The following CLSTN2 variants were observed in gnomAD, a reference collection of about 807,000 sequenced individuals.
CLSTN2 encodes the protein calsyntenin-2.
CLSTN2 carries 48 observed loss-of-function variants against 101.2 expected under a neutral mutation model. That is an observed-to-expected ratio of 0.47 (90% confidence interval 0.38 to 0.60). The LOEUF (loss-of-function observed/expected upper bound fraction) is 0.60, where lower values mean the gene tolerates loss of function less well. CLSTN2 is among the 20% of genes least tolerant of loss of function. The probability of loss-of-function intolerance (pLI) is 0.00; values close to 1 mark genes in which losing one functional copy is unlikely to be tolerated. For synonymous variants in CLSTN2, 481 were observed against 463.6 expected, an observed-to-expected ratio of 1.04 and a Z score of -0.48; for missense variants, 1,160 against 1,238.2, an observed-to-expected ratio of 0.94 and a Z score of 0.95.
intron 8 of CLSTN2, among the ~76,000 whole-genome samples, chr3:140,520,420 C>T (rs1335415194): frequency 2.0e-5 from 3 of 152,196 alleles, no homozygotes; most frequent in African/African-American, 4.8e-5. Context: ...GAAATAGGCA[C>T]CTTCTTCACA....
rs150627625 is a variant in CLSTN2 at position 139,937,288 on chromosome 3, A to G, written c.109+1805A>G. 7.5e-3 allele frequency among the ~76,000 whole-genome samples: 1,139 copies of G among 152,272 alleles called. 10 individuals carry two copies. Among genetic ancestry groups the G allele is most frequent in the East Asian group, 0.019 (100 of 5,176 alleles). On this transcript the variant is annotated intron_variant, in intron 1 of 16. Transcript: ENST00000458420. ...TGCACGGCTGAGTTCTCAGGTCAGAATGGGAAGCTTCATAGAGGTAAGCGA... is the reference window on the plus strand; with the variant it reads ...TGCACGGCTGAGTTCTCAGGTCAGAGTGGGAAGCTTCATAGAGGTAAGCGA...
chr3:140,121,272 G>T (rs1340799883), intron 1 of CLSTN2, among the ~76,000 whole-genome samples: 2 of 152,158 alleles, frequency 1.3e-5, no homozygotes, highest in Non-Finnish European at 1.5e-5. Context: ...CACGGGAAGA[G>T]AGCTGGGGCC....
chr3:140,343,935 T>C (rs1408573298), intron 2 of CLSTN2, among the ~76,000 whole-genome samples: 1 of 152,222 alleles, frequency 6.6e-6, no homozygotes, highest in Non-Finnish European at 1.5e-5. Flanking sequence ...TGCTCAGAAC[T>C]GTGCTAGGTG....
rs759932499 is a variant in CLSTN2 at position 140,421,270 on chromosome 3, G to T, written c.783G>T (p.Trp261Cys). 1.2e-6 allele frequency: 2 copies of T among 1,614,108 alleles called. No homozygotes were observed. Among genetic ancestry groups the T allele is most frequent in the East Asian group, 2.2e-5 (1 of 44,874 alleles). ...VDVKPVCKPG[W>C]QDWTKRIEYQ... ...TGAAGCCAGTTTGCAAGCCTGGCTG[G>T]CAAGGTGGGCCTGTTTTATCAGTCT... Residue 261 changes from tryptophan (W) to cysteine (C), a missense_variant, in exon 5 of 17, where the codon TGG becomes TGT. Transcript: ENST00000458420.
intron 8 of CLSTN2, among the ~76,000 whole-genome samples, chr3:140,528,854 GA>G (rs1319171540): frequency 6.6e-6 from 1 of 152,182 alleles, no homozygotes; most frequent in African/African-American, 2.4e-5. Context: ...TACATTTGAA[GA>G]TTTTGTGTAC....
chr3:140,161,224 C>T (rs2010041803), intron 1 of CLSTN2, among the ~76,000 whole-genome samples: 1 of 152,180 alleles, frequency 6.6e-6, no homozygotes. Flanking sequence ...ATCATGATTA[C>T]TCTTTTGAGA....
At position 140,566,241 on chromosome 3, in the gene CLSTN2, C is replaced by T; in HGVS notation, c.2856C>T (p.Thr952=). Residue 952 remains threonine, a synonymous_variant, in exon 17 of 17, where the codon ACC becomes ACT. Coordinates refer to ENST00000458420, the MANE Select transcript of CLSTN2 (RefSeq NM_022131.3). ...CCCAGCTGGAGTGGGATGACTCCAC[C>T]CTCCCCTACTAGTGCCCAGGGGTCT... ...RQAQLEWDDS[T]LPY 1 of 1,568,688 alleles carries T rather than the reference C, an allele frequency of 6.4e-7. No individual in the cohort carries two copies. The highest frequency in any genetic ancestry group is 8.6e-7 in the Non-Finnish European group (1 of 1,156,602).
chr3:140,141,643 T>C (rs1289171485), intron 1 of CLSTN2, among the ~76,000 whole-genome samples: 1 of 152,246 alleles, frequency 6.6e-6, no homozygotes, highest in African/African-American at 2.4e-5. Flanking sequence ...TTAGTGTCCA[T>C]GCCTAGCACC....
Position 140,087,010 on chromosome 3 carries a change from T to A in CLSTN2, c.110-88941T>A, listed in dbSNP as rs113661374. On this transcript the variant is annotated intron_variant, in intron 1 of 16. Transcript: ENST00000458420. ...AAATATCTGCCTGAGATTTCTCAGCTGACAAATGGTAGATCCCAAATTTGG... is the reference window on the plus strand; with the variant it reads ...AAATATCTGCCTGAGATTTCTCAGCAGACAAATGGTAGATCCCAAATTTGG... Among the ~76,000 whole-genome samples the A allele has an allele frequency of 1.9e-3, 287 of 152,360 alleles. 1 individual carries two copies. The highest frequency in any genetic ancestry group is 6.8e-3 in the African/African-American group (281 of 41,580).
At chr3:140,513,581 TTC>T (rs1353956716) in intron 8 of CLSTN2, among the ~76,000 whole-genome samples, 1 of 71,800 alleles carries the variant, frequency 1.4e-5, no homozygotes, top group Non-Finnish European at 3.1e-5. Context: ...TTTTTTTTCT[TTC>T]TTTTTTTTTT....
At chr3:140,324,732 C>G (rs549423641) in intron 2 of CLSTN2, among the ~76,000 whole-genome samples, 3 of 152,196 alleles carry the variant, frequency 2.0e-5, no homozygotes, top group African/African-American at 7.2e-5. Context: ...TCTATTCCAT[C>G]CAAATCAATG....
At chr3:140,200,930 T>G (rs1320407074) in intron 2 of CLSTN2, among the ~76,000 whole-genome samples, 1 of 152,124 alleles carries the variant, frequency 6.6e-6, no homozygotes, top group Non-Finnish European at 1.5e-5. Flanking sequence ...CCAAAGGACC[T>G]TGATAGCATA....
At chr3:140,455,710 G>A (rs946949539) in intron 6 of CLSTN2, among the ~76,000 whole-genome samples, 4 of 152,194 alleles carry the variant, frequency 2.6e-5, no homozygotes, top group African/African-American at 9.6e-5. Context: ...ATCACTGCAA[G>A]TGATGCATTC....
At chr3:140,233,939 G>A (rs2086393394) in intron 2 of CLSTN2, among the ~76,000 whole-genome samples, 1 of 152,178 alleles carries the variant, frequency 6.6e-6, no homozygotes, top group South Asian at 2.1e-4. Flanking sequence ...TTTATGTATT[G>A]TTTATGACTT....
intron 1 of CLSTN2, among the ~76,000 whole-genome samples, chr3:140,124,934 G>A (rs2009405608): frequency 6.6e-6 from 1 of 152,166 alleles, no homozygotes; most frequent in Non-Finnish European, 1.5e-5. Context: ...CAGGGGCTAG[G>A]GCCATAGGAG....
intron 2 of CLSTN2, among the ~76,000 whole-genome samples, chr3:140,317,025 G>A (rs7610342): frequency 0.023 from 3,539 of 152,236 alleles, 88 homozygotes; most frequent in South Asian, 0.1. Flanking sequence ...AAATTCATTC[G>A]TGGTGTTAGG....
chr3:140,030,421 AAGAAGTAG>A (rs2007522574), intron 1 of CLSTN2, among the ~76,000 whole-genome samples: 1 of 152,110 alleles, frequency 6.6e-6, no homozygotes, highest in Admixed American at 6.6e-5. Flanking sequence ...TTGGAAGGCT[AAGAAGTAG>A]ACAGAAGGAG....
intron 2 of CLSTN2, among the ~76,000 whole-genome samples, chr3:140,200,320 T>A (rs2010701838): frequency 6.6e-6 from 1 of 152,164 alleles, no homozygotes; most frequent in African/African-American, 2.4e-5. Flanking sequence ...TCTTGGAGAA[T>A]TTTACATAAG....
At chr3:140,454,879 C>T (rs1457509829) in intron 6 of CLSTN2, 1 of 152,190 alleles carries the variant, frequency 6.6e-6, no homozygotes, top group African/African-American at 2.4e-5. Context: ...AAGCTGATAT[C>T]AGTGGGTCAG....
Sources: allele counts gnomAD v4.1 joint callset (sites outside exome capture counted in the v4.1 genomes callset), GRCh38; gene constraint gnomAD v4.1.1; transcripts MANE v1.5; gene names NCBI Gene and HGNC (gene_info 2026-07-23, HGNC 2026-07-21).